The following SHOX variants were observed in gnomAD, a reference collection of about 807,000 sequenced individuals.
SHOX encodes SHOX homeobox.
In SHOX, 12 loss-of-function variants were observed where a neutral mutation model predicts 29.6. The ratio of observed to expected loss-of-function variants is 0.41; its 90% CI spans 0.26 to 0.66. The LOEUF (loss-of-function observed/expected upper bound fraction) is 0.66, where lower values mean the gene tolerates loss of function less well. Ranked by LOEUF, SHOX falls within the 30% of genes least tolerant of loss-of-function variation. SHOX has a pLI of 0.35. For synonymous variants in SHOX, 214 were observed against 200.6 expected (o/e 1.07, Z -0.57); for missense variants, 499 against 437.7 (o/e 1.14, Z -1.25).
upstream of SHOX, among the ~76,000 whole-genome samples, chrX:626,695 C>G (rs1158727699): frequency 2.5e-5 from 3 of 119,828 alleles, no homozygotes; most frequent in African/African-American, 9.6e-5. Flanking sequence ...CTCTGTCTCT[C>G]TTTCTCTCTC....
In SHOX at chrX:634,822, T is replaced by A; in HGVS notation, c.482T>A (p.Val161Glu). ...SQRLGLSEAR[V>E]QVWFQNRRAK... ...CGCCTGGGGCTCTCCGAGGCGCGCG[T>A]GCAGGTAGGAACCCGGGGGCGGGGG... Residue 161 changes from valine (V) to glutamate (E), a missense_variant, in exon 2 of 5, where the codon GTG becomes GAG. Transcript: ENST00000686671. The A allele has an allele frequency of 6.4e-7, 1 of 1,565,930 alleles. No homozygotes were observed. The highest frequency in any genetic ancestry group is 8.7e-7 in the Non-Finnish European group (1 of 1,155,698).
Position 649,007 on chromosome X carries a change from G to C in SHOX, c.*4371G>C, listed in dbSNP as rs74490728. 0.32 allele frequency among the ~76,000 whole-genome samples: 42,628 copies of C among 134,136 alleles called. 6,618 individuals are homozygous for C. The highest frequency in any genetic ancestry group is 0.38 in the Non-Finnish European group (23,539 of 61,334). The allele number at this position is 134,136 out of a possible 152,430, so 88.0% of individuals were successfully genotyped here. A position where few individuals can be genotyped will look rare whatever the true frequency, so the allele number is the denominator to read the frequency against. ...CTTTTTCTTTCTCTTTTCCTTTTTT[G>C]TTTCTTTCTTTCTTTTTCTTTCTTT... On this transcript the variant is annotated 3_prime_UTR_variant, in exon 5 of 5. Transcript: ENST00000686671.
chrX:643,180 G>A (rs1184328754), intron 4 of SHOX, among the ~76,000 whole-genome samples: 1 of 147,096 alleles, frequency 6.8e-6, no homozygotes, highest in Non-Finnish European at 1.5e-5. Flanking sequence ...TGGTGTCCCA[G>A]GAGAGGCTTG....
chrX:641,424 C>A (rs959553828), intron 4 of SHOX, among the ~76,000 whole-genome samples: 15 of 152,114 alleles, frequency 9.9e-5, no homozygotes, highest in Non-Finnish European at 2.1e-4. Context: ...TGTGGTGGCT[C>A]ACGCCTGTCA....
At position 634,814 on chromosome X, in the gene SHOX, G is replaced by C; in HGVS notation, c.474G>C (p.Glu158Asp). 1 of 1,573,064 alleles carries C rather than the reference G, an allele frequency of 6.4e-7. No individual in the cohort carries two copies. The highest frequency in any genetic ancestry group is 8.6e-7 in the Non-Finnish European group (1 of 1,159,550). The change falls in exon 2 of 5, where the codon GAG becomes GAC. Residue 158 changes from glutamate to aspartate, a missense_variant. Coordinates refer to ENST00000686671, the MANE Select transcript of SHOX (RefSeq NM_000451.4). ...TCAGCCAGCGCCTGGGGCTCTCCGA[G>C]GCGCGCGTGCAGGTAGGAACCCGGG... ...EELSQRLGLS[E>D]ARVQVWFQNR...
upstream of SHOX, among the ~76,000 whole-genome samples, chrX:630,313 C>CG (rs757518095): frequency 5.0e-4 from 76 of 151,076 alleles, 1 homozygote; most frequent in Middle Eastern, 6.8e-3. Context: ...CCGGATCCCC[C>CG]CCTCGCCATC....
At chrX:643,018 G>A (rs2052885548) in intron 4 of SHOX, among the ~76,000 whole-genome samples, 1 of 149,770 alleles carries the variant, frequency 6.7e-6, no homozygotes, top group Non-Finnish European at 1.5e-5. Flanking sequence ...GGTGTCTCTG[G>A]AAGAGGCTTG....
upstream of SHOX, among the ~76,000 whole-genome samples, chrX:629,599 TAC>T (rs1316538148): frequency 4.0e-5 from 6 of 151,822 alleles, no homozygotes; most frequent in African/African-American, 1.5e-4. Context: ...TTCTGTGTCT[TAC>T]ACACACCCCA....
chrX:630,998 C>T lies in SHOX; in HGVS notation c.101C>T (p.Thr34Met), dbSNP rs751747648. 4 of 1,613,886 alleles carry T rather than the reference C, an allele frequency of 2.5e-6. No individual in the cohort carries two copies. Among genetic ancestry groups the T allele is most frequent in the South Asian group, 2.2e-5 (2 of 91,080 alleles). Reference protein sequence around the residue: ...GGGGGKKDSITYREVLESGLA... With the variant: ...GGGGGKKDSIMYREVLESGLA... ...GGCGGAGGTAAGAAGGATTCCATTA[C>T]GTACCGGGAAGTTTTGGAGAGCGGA... The change falls in exon 1 of 5, where the codon ACG (threonine) becomes ATG (methionine). Residue 34 changes from threonine (T) to methionine (M), a missense_variant. Transcript: ENST00000686671.
Position 651,191 on chromosome X carries a change from T to C in SHOX, c.*6555T>C. 1 of 419,508 alleles carries C rather than the reference T, an allele frequency of 2.4e-6. No homozygotes were observed. Among genetic ancestry groups the C allele is most frequent in the African/African-American group, 2.1e-5 (1 of 48,660 alleles). 26.0% of individuals were successfully genotyped at this position (419,508 alleles called of 1,614,324 possible). On this transcript the variant is annotated 3_prime_UTR_variant, in exon 5 of 5. Transcript: ENST00000686671. ...AATTTGACATCGCGTTGCATTTATT[T>C]TTATATTTCTGAAAACTGTTGCTTT...
intron 4 of SHOX, among the ~76,000 whole-genome samples, chrX:644,025 C>G (rs1271312731): frequency 4.3e-5 from 4 of 93,982 alleles, no homozygotes; most frequent in Non-Finnish European, 9.9e-5. Flanking sequence ...CTGGTGTCCC[C>G]GGGAGAGGTT....
chrX:641,943 C>A (rs2052860502), intron 4 of SHOX, among the ~76,000 whole-genome samples: 1 of 152,142 alleles, frequency 6.6e-6, no homozygotes, highest in South Asian at 2.1e-4. Flanking sequence ...TGGCCCCTGG[C>A]CCCTGGCTTG....
Position 641,017 on chromosome X carries a change from C to T in SHOX, c.563C>T (p.Ala188Val), listed in dbSNP as rs1603287323. Reference protein sequence around the residue: ...QMHKGVILGTANHLDACRVAP... With the variant: ...QMHKGVILGTVNHLDACRVAP... Reference sequence around the variant, plus strand: ...GACACAGGCGTCATCTTGGGCACAGCCAACCACCTAGACGCCTGCCGAGTG... The same window carrying T: ...GACACAGGCGTCATCTTGGGCACAGTCAACCACCTAGACGCCTGCCGAGTG... Residue 188 changes from alanine (A) to valine (V), a missense_variant, in exon 4 of 5, where the codon GCC (alanine) becomes GTC (valine). By Grantham distance (64) the Ala-to-Val change is moderately conservative. Coordinates refer to ENST00000686671, the MANE Select transcript of SHOX (RefSeq NM_000451.4). 1.2e-6 allele frequency: 2 copies of T among 1,613,842 alleles called. No individual in the cohort carries two copies. Among genetic ancestry groups the T allele is most frequent in the South Asian group, 1.1e-5 (1 of 91,052 alleles).
At chrX:628,504 T>C (rs1162561931), upstream of SHOX, among the ~76,000 whole-genome samples, 4 of 107,820 alleles carry the variant, frequency 3.7e-5, no homozygotes, top group South Asian at 3.4e-4. Context: ...CATCTCTCTC[T>C]GTCTCTCCCT....
chrX:624,852 T>TCTTTCTTTC (rs2052479525), intron 1 of SHOX, among the ~76,000 whole-genome samples: 2 of 71,102 alleles, frequency 2.8e-5, no homozygotes, highest in African/African-American at 1.0e-4. Flanking sequence ...CCTCTCTTCC[T>TCTTTCTTTC]CTTTCTTTCT....
Position 644,552 on chromosome X carries a change from C to A in SHOX, c.795C>A (p.Ala265=). 6.6e-7 allele frequency: 1 copy of A among 1,518,120 alleles called. No homozygotes were observed. 94.0% of individuals were successfully genotyped at this position (1,518,120 alleles called of 1,614,324 possible). ...CCTCGGCCGCCGCCGTGGTCGCCGC[C>A]GCCGCCAAAAGCAACAGCAAGAATT... The part of the protein sequence containing the change: ...ESASAAAVVA[A]AAKSNSKNSS... Residue 265 remains alanine, a synonymous_variant, in exon 5 of 5, where the codon GCC becomes GCA. Coordinates refer to ENST00000686671, the MANE Select transcript of SHOX (RefSeq NM_000451.4).
chrX:658,763 C>G (rs1443278980), intron 5 of SHOX: 1 of 396,954 alleles, frequency 2.5e-6, no homozygotes, highest in Non-Finnish European at 5.0e-6. Context: ...AGCCACTGCA[C>G]TTGGCCTTTT....
chrX:641,902 C>T (rs2052859496), intron 4 of SHOX, among the ~76,000 whole-genome samples: 1 of 152,150 alleles, frequency 6.6e-6, no homozygotes, highest in Non-Finnish European at 1.5e-5. Flanking sequence ...CATCACCACC[C>T]CCGAGTGCCC....
chrX:626,182 CTG>C (rs1333087040), upstream of SHOX, among the ~76,000 whole-genome samples: 12 of 120,538 alleles, frequency 1.0e-4, no homozygotes, highest in African/African-American at 3.5e-4. Context: ...CTCTTTCTCT[CTG>C]TCTTCGTTCC....
Sources: allele counts gnomAD v4.1 joint callset (sites outside exome capture counted in the v4.1 genomes callset), GRCh38; gene constraint gnomAD v4.1.1; transcripts MANE v1.5; gene names NCBI Gene and HGNC (gene_info 2026-07-23, HGNC 2026-07-21).